Variants in TOMM70 observed in about 807,000 individuals in gnomAD.
The protein encoded by TOMM70 is translocase of outer mitochondrial membrane 70.
A neutral mutation model predicts 73.6 loss-of-function variants in TOMM70; 13 were observed. The observed-to-expected ratio is 0.18, with a 90% CI of 0.11 to 0.28. The LOEUF is 0.28. Ranked by LOEUF, TOMM70 falls within the 10% of genes least tolerant of loss-of-function variation. TOMM70 has a pLI of 1.00. For synonymous variants in TOMM70, 257 were observed against 271.2 expected, an observed-to-expected ratio of 0.95 and a Z score of 0.51; for missense variants, 609 against 747.5, an observed-to-expected ratio of 0.81 and a Z score of 2.16.
intron 6 of TOMM70, among the ~76,000 whole-genome samples, chr3:100,377,031 TC>T (rs34240273): frequency 0.15 from 22,479 of 151,866 alleles, 3,062 homozygotes; most frequent in East Asian, 0.5. Context: ...AACTTTTATA[TC>T]CCCCCCAAAT....
intron 7 of TOMM70, 46 bp from the exon 8 acceptor site, chr3:100,373,691 A>G (rs767782642): frequency 1.4e-6 from 2 of 1,396,622 alleles, no homozygotes; most frequent in Non-Finnish European, 2.0e-6. Context: ...TAGTCCAGTT[A>G]AGTATGTTCA....
chr3:100,377,712 T>C lies in TOMM70; in HGVS notation c.1085A>G (p.Asn362Ser), dbSNP rs1706581497. The C allele has an allele frequency of 6.2e-7, 1 of 1,610,480 alleles. No homozygotes were observed. The highest frequency in any genetic ancestry group is 1.7e-4 in the Middle Eastern group (1 of 6,044). Residue 362 changes from asparagine to serine, a missense_variant, in exon 6 of 12, where the codon AAT (asparagine) becomes AGT (serine). Physicochemically the swap from Asn to Ser is conservative, Grantham distance 46. Around this residue, in one of 2 missense-constraint regions of TOMM70, gnomAD observed 432 missense variants for 584.1 expected, o/e 0.74. Transcript: ENST00000284320. ...ACACATTTTTTAATGTACCTTCACA[T>C]TAGCTTCTTTCAAACTGATGACTTT... ...LDKVISLKEA[N>S]VKLRANALIK...
rs1706891221 is a variant in TOMM70, at chr3:100,400,849, C to T, written c.101G>A (p.Gly34Glu). 1 of 1,525,126 alleles carries T rather than the reference C, an allele frequency of 6.6e-7. No individual in the cohort carries two copies. 94.5% of individuals were successfully genotyped at this position (1,525,126 alleles called of 1,614,324 possible). Residue 34 changes from glycine to glutamate, a missense_variant, in exon 1 of 12, where the codon GGG (glycine) becomes GAG (glutamate). By Grantham distance (98) the Gly-to-Glu change is moderately conservative. Coordinates refer to ENST00000284320, the MANE Select transcript of TOMM70 (RefSeq NM_014820.5). ...AGCCAGCTGCCATCGCGGCAGCCCC[C>T]CCGTGCCCGGGCCCGCAGTCCCGCC... ...GGGGTAGPGT[G>E]GLPRWQLALA... is the part of the protein sequence containing the mutation.
intron 6 of TOMM70, among the ~76,000 whole-genome samples, chr3:100,376,020 A>G (rs1462094552): frequency 6.6e-6 from 1 of 152,144 alleles, no homozygotes; most frequent in African/African-American, 2.4e-5. Context: ...CACATCTTCA[A>G]AAACACTTAT....
intron 2 of TOMM70, 41 bp downstream of exon 2, chr3:100,386,760 TAAAG>T: frequency 1.3e-6 from 2 of 1,577,892 alleles, no homozygotes. Flanking sequence ...TTTAAGCAAA[TAAAG>T]AGAAAGAAAA....
At chr3:100,387,163 T>C (rs1250620901) in intron 1 of TOMM70, among the ~76,000 whole-genome samples, 185 bp from the exon 2 acceptor site, 1 of 152,208 alleles carries the variant, frequency 6.6e-6, no homozygotes, top group African/African-American at 2.4e-5. Context: ...AAAGCATATC[T>C]TGGCCAGGCA....
In TOMM70 at chr3:100,377,826, TCAG is replaced by T; in HGVS notation, c.968_970del (p.Ala323del). The T allele has an allele frequency of 6.2e-7, 1 of 1,614,264 alleles. No homozygotes were observed. Among genetic ancestry groups the T allele is most frequent in the South Asian group, 1.1e-5 (1 of 91,088 alleles). ...CAATGCTTCTGCCATGTATTTGCCT[TCAG>T]CATCTATTTCTTTTGAGCATTCACT... is the stretch of plus-strand genomic sequence containing the variant. On this transcript the variant is annotated inframe_deletion, in exon 6 of 12. Coordinates refer to ENST00000284320, the MANE Select transcript of TOMM70 (RefSeq NM_014820.5).
At chr3:100,393,545 C>A (rs1408628228) in intron 1 of TOMM70, among the ~76,000 whole-genome samples, 1 of 152,072 alleles carries the variant, frequency 6.6e-6, no homozygotes, top group Admixed American at 6.6e-5. Flanking sequence ...GACTTTACCA[C>A]TATACAATTC....
chr3:100,400,861 C>T lies in TOMM70; in HGVS notation c.89G>A (p.Gly30Asp), dbSNP rs1207692044. The change falls in exon 1 of 12, where the codon GGC (glycine) becomes GAC (aspartate). Residue 30 changes from glycine to aspartate, a missense_variant. Transcript: ENST00000284320. ...TCGCGGCAGCCCCCCCGTGCCCGGG[C>T]CCGCAGTCCCGCCGCCGCCCACCCC... is the stretch of plus-strand genomic sequence containing the variant. ...GSGVGGGGTA[G>D]PGTGGLPRWQ... 6.6e-7 allele frequency: 1 copy of T among 1,526,052 alleles called. No individual in the cohort carries two copies. Among genetic ancestry groups the T allele is most frequent in the Non-Finnish European group, 8.7e-7 (1 of 1,143,606 alleles). 94.5% of individuals were successfully genotyped at this position (1,526,052 alleles called of 1,614,324 possible).
At position 100,386,901 on chromosome 3, in the gene TOMM70, A is replaced by C; in HGVS notation, c.402T>G (p.Ile134Met). ...AGCTAATAGCCTCAGTATAGCACTG[A>C]ATAGCTTGTTCATATTTTCCTGCTT... ...YFKAGKYEQAIQCYTEAISLC... is the reference protein window; with the variant it reads ...YFKAGKYEQAMQCYTEAISLC... Residue 134 changes from isoleucine to methionine, a missense_variant, in exon 2 of 12, where the codon ATT (isoleucine) becomes ATG (methionine). By Grantham distance (10) the Ile-to-Met change is conservative. Transcript: ENST00000284320. The C allele has an allele frequency of 6.2e-7, 1 of 1,614,128 alleles. No individual in the cohort carries two copies. Among genetic ancestry groups the C allele is most frequent in the Non-Finnish European group, 8.5e-7 (1 of 1,180,014 alleles).
chr3:100,386,395 A>G (rs773299440), intron 2 of TOMM70, 51 bp from the exon 3 acceptor site: 41 of 1,526,220 alleles, frequency 2.7e-5, no homozygotes, highest in Non-Finnish European at 3.5e-5. Context: ...GTACTGTTCA[A>G]TAGAAATCAG....
chr3:100,396,690 T>C (rs1285522383), intron 1 of TOMM70, among the ~76,000 whole-genome samples: 1 of 152,176 alleles, frequency 6.6e-6, no homozygotes, highest in African/African-American at 2.4e-5. Flanking sequence ...AAAAAATTAC[T>C]GAAGCAAAAT....
chr3:100,379,485 A>G (rs1348324696), intron 5 of TOMM70, among the ~76,000 whole-genome samples: 1 of 152,102 alleles, frequency 6.6e-6, no homozygotes, highest in African/African-American at 2.4e-5. Flanking sequence ...AAAATTAGCC[A>G]GGCATGGTGG....
chr3:100,383,609 T>G (rs1706660604), intron 4 of TOMM70, among the ~76,000 whole-genome samples: 1 of 151,774 alleles, frequency 6.6e-6, no homozygotes, highest in Non-Finnish European at 1.5e-5. Flanking sequence ...CACACCTTAG[T>G]AGATTATTAA....
intron 1 of TOMM70, among the ~76,000 whole-genome samples, chr3:100,394,873 A>G (rs1706804547): frequency 6.6e-6 from 1 of 152,200 alleles, no homozygotes; most frequent in South Asian, 2.1e-4. Context: ...TTCAAACCTA[A>G]TAAGGAATAA....
chr3:100,373,700 C>A, intron 7 of TOMM70, 55 bp from the exon 8 acceptor site: 1 of 1,203,702 alleles, frequency 8.3e-7, no homozygotes, highest in South Asian at 1.3e-5. Context: ...TAAGTATGTT[C>A]AGTGTCTCAT....
intron 9 of TOMM70, among the ~76,000 whole-genome samples, chr3:100,369,545 G>T (rs1041235626): frequency 8.7e-5 from 13 of 149,830 alleles, no homozygotes; most frequent in Non-Finnish European, 1.9e-4. Flanking sequence ...TTGTCACCCA[G>T]GCTGGGGTGT....
chr3:100,372,032 G>T (rs1706515601), intron 9 of TOMM70: 2 of 152,008 alleles, frequency 1.3e-5, no homozygotes, highest in African/African-American at 4.8e-5. Flanking sequence ...TTATTTGAGG[G>T]GAAAATGTAT....
rs747162714 is a variant in TOMM70 at position 100,372,599 on chromosome 3, C to T, written c.1452+7G>A. On this transcript the variant is annotated splice_region_variant and intron_variant, in intron 9 of 11. Coordinates refer to ENST00000284320, the MANE Select transcript of TOMM70 (RefSeq NM_014820.5). ...GTTATTTTTAAAAAACCTGAAAAAA[C>T]ATTTACCTGGGCGTATAGTGCATAG... is the stretch of plus-strand genomic sequence containing the variant. 3.1e-6 allele frequency: 5 copies of T among 1,595,544 alleles called. No individual in the cohort carries two copies. Among genetic ancestry groups the T allele is most frequent in the Non-Finnish European group, 3.4e-6 (4 of 1,172,270 alleles).
Sources: allele counts gnomAD v4.1 joint callset (sites outside exome capture counted in the v4.1 genomes callset), GRCh38; gene constraint gnomAD v4.1.1; regional missense constraint gnomAD v4.1.1; transcripts MANE v1.5; gene names NCBI Gene and HGNC (gene_info 2026-07-23, HGNC 2026-07-21).